Variants in LTBP1 observed in about 807,000 individuals in gnomAD.
LTBP1 encodes the protein latent transforming growth factor beta binding protein 1, also known as latent-transforming growth factor beta-binding protein 1.
LTBP1 carries 129 observed loss-of-function variants against 207.6 expected under a neutral mutation model. That is an observed-to-expected ratio of 0.62 (90% confidence interval 0.54 to 0.72). The LOEUF is 0.72. Ranked by LOEUF, LTBP1 falls within the 30% of genes least tolerant of loss-of-function variation. LTBP1 has a pLI of 0.00. For synonymous variants in LTBP1, 963 were observed against 833.7 expected, an observed-to-expected ratio of 1.16 and a Z score of -2.67; for missense variants, 2,281 against 2,217.2, an observed-to-expected ratio of 1.03 and a Z score of -0.58.
chr2:33,075,412 A>T (rs768561049), intron 3 of LTBP1, among the ~76,000 whole-genome samples: 2 of 152,348 alleles, frequency 1.3e-5, no homozygotes, highest in South Asian at 2.1e-4. Flanking sequence ...TGACATTCCA[A>T]TATTTAAACT....
intron 15 of LTBP1, among the ~76,000 whole-genome samples, chr2:33,263,673 G>A (rs1201692721): frequency 6.6e-6 from 1 of 152,074 alleles, no homozygotes; most frequent in Non-Finnish European, 1.5e-5. Flanking sequence ...CAGAATACAG[G>A]CTGGGTGCGG....
rs778732304 is a variant in LTBP1 at position 33,275,078 on chromosome 2, A to C, written c.2857A>C (p.Thr953Pro). ...AGGATTTATGGCCAGTGAGGAGGGT[A>C]CTAACTGCATAGGTAATGGCAGCAT... ...PAGFMASEEGTNCIDVDECLR... is the reference protein window; with the variant it reads ...PAGFMASEEGPNCIDVDECLR... The change falls in exon 17 of 34, where the codon ACT (threonine) becomes CCT (proline). Residue 953 changes from threonine to proline, a missense_variant. Transcript: ENST00000404816. 1 of 1,613,954 alleles carries C rather than the reference A, an allele frequency of 6.2e-7. No homozygotes were observed. The highest frequency in any genetic ancestry group is 8.5e-7 in the Non-Finnish European group (1 of 1,179,874).
chr2:33,143,371 T>C (rs1034538027), intron 5 of LTBP1, among the ~76,000 whole-genome samples: 1 of 152,168 alleles, frequency 6.6e-6, no homozygotes, highest in African/African-American at 2.4e-5. Context: ...GAATGCATTT[T>C]TGTTGACAAT....
At position 33,256,958 on chromosome 2, in the gene LTBP1, C is replaced by T. The variant is rs2092879231; in HGVS notation, c.2168-326C>T. Reference sequence around the variant, plus strand: ...TCCTAGAACTAATCCCTCATGGATACTGAGGAATGACTATGTAAATAATAT... The same window carrying T: ...TCCTAGAACTAATCCCTCATGGATATTGAGGAATGACTATGTAAATAATAT... On this transcript the variant is annotated intron_variant, in intron 11 of 33. Transcript: ENST00000404816. Among the ~76,000 whole-genome samples, 2 of 149,596 alleles carry T rather than the reference C, an allele frequency of 1.3e-5. 1 individual carries two copies. Among genetic ancestry groups the T allele is most frequent in the South Asian group, 4.2e-4 (2 of 4,768 alleles).
At chr2:33,394,573 A>G (rs1351628620) in intron 32 of LTBP1, among the ~76,000 whole-genome samples, 2 of 152,046 alleles carry the variant, frequency 1.3e-5, no homozygotes, top group South Asian at 4.1e-4. Context: ...TCCTTTCCCC[A>G]TTTCTTGTTT....
chr2:33,138,447 C>CT (rs200975479), intron 5 of LTBP1, among the ~76,000 whole-genome samples: 13,309 of 145,738 alleles, frequency 0.091, 637 homozygotes, highest in Non-Finnish European at 0.11. Flanking sequence ...ATGATAATGA[C>CT]TTTTTTTTTT....
chr2:32,949,972 A>T (rs1010731810), intron 2 of LTBP1, among the ~76,000 whole-genome samples: 1 of 152,224 alleles, frequency 6.6e-6, no homozygotes, highest in Non-Finnish European at 1.5e-5. Flanking sequence ...TGCAGACATG[A>T]ACAGTCTTCT....
intron 3 of LTBP1, among the ~76,000 whole-genome samples, chr2:33,095,682 A>ATC (rs1482435609): frequency 1.3e-5 from 2 of 152,176 alleles, no homozygotes; most frequent in Non-Finnish European, 2.9e-5. Context: ...ATATATATAT[A>ATC]AATATGCCCA....
At chr2:33,121,469 T>A (rs1239104901) in intron 4 of LTBP1, among the ~76,000 whole-genome samples, 2 of 152,102 alleles carry the variant, frequency 1.3e-5, no homozygotes, top group African/African-American at 2.4e-5. Context: ...TGTGTGGGAT[T>A]GAGTGCTCTT....
intron 19 of LTBP1, among the ~76,000 whole-genome samples, chr2:33,289,952 CCTTGAGA>C (rs1209846412): frequency 6.6e-6 from 1 of 152,090 alleles, no homozygotes; most frequent in Non-Finnish European, 1.5e-5. Flanking sequence ...TAACGGAACA[CCTTGAGA>C]CTAGGTCATT....
At chr2:33,384,392 A>C (rs961735221) in intron 31 of LTBP1, among the ~76,000 whole-genome samples, 1 of 152,126 alleles carries the variant, frequency 6.6e-6, no homozygotes, top group Non-Finnish European at 1.5e-5. Flanking sequence ...TGGGGAATGC[A>C]GTGGGTCGGG....
At chr2:33,038,384 G>A (rs1298393767) in intron 3 of LTBP1, among the ~76,000 whole-genome samples, 2 of 152,178 alleles carry the variant, frequency 1.3e-5, no homozygotes, top group African/African-American at 4.8e-5. Context: ...GCAGCACCAA[G>A]CTTTGTCTCT....
chr2:32,978,889 C>A (rs1271914970), intron 2 of LTBP1, among the ~76,000 whole-genome samples: 9 of 151,522 alleles, frequency 5.9e-5, no homozygotes, highest in Admixed American at 5.9e-4. Flanking sequence ...TATCATTACT[C>A]AGTCTGTTCA....
intron 9 of LTBP1, among the ~76,000 whole-genome samples, chr2:33,243,009 C>G (rs1312512777): frequency 3.3e-5 from 5 of 152,172 alleles, no homozygotes; most frequent in Admixed American, 6.5e-5. Context: ...TTTGACTCAT[C>G]ATTTCCTGAG....
intron 2 of LTBP1, among the ~76,000 whole-genome samples, chr2:32,961,087 C>T (rs1176162562): frequency 6.6e-6 from 1 of 152,134 alleles, no homozygotes; most frequent in African/African-American, 2.4e-5. Context: ...GGAAAAATAT[C>T]TTACGTAGAA....
intron 4 of LTBP1, among the ~76,000 whole-genome samples, chr2:33,121,704 C>T (rs181479090): frequency 1.3e-5 from 2 of 152,288 alleles, no homozygotes; most frequent in Admixed American, 1.3e-4. Flanking sequence ...CTCCCCCAAA[C>T]AAAATCTTTT....
At chr2:33,393,464 C>T (rs1188739410) in intron 32 of LTBP1, among the ~76,000 whole-genome samples, 3 of 146,070 alleles carry the variant, frequency 2.1e-5, no homozygotes, top group Non-Finnish European at 4.5e-5. Flanking sequence ...GCGAAAGGCC[C>T]TGGTGTGTGA....
intron 19 of LTBP1, among the ~76,000 whole-genome samples, chr2:33,288,527 G>A (rs369049236): frequency 2.6e-5 from 4 of 152,144 alleles, no homozygotes; most frequent in Non-Finnish European, 4.4e-5. Flanking sequence ...CAGAGGATAC[G>A]GAGAGAGTAA....
chr2:33,007,091 G>C (rs1014241213), intron 2 of LTBP1, among the ~76,000 whole-genome samples: 2 of 152,190 alleles, frequency 1.3e-5, no homozygotes, highest in African/African-American at 4.8e-5. Context: ...TTGAGACGGA[G>C]TCTCACTCTG....
Sources: gnomAD v4.1 joint callset for allele counts (sites outside exome capture counted in the v4.1 genomes callset) on GRCh38, gnomAD v4.1.1 for gene constraint, MANE v1.5 for transcripts, NCBI Gene and HGNC (gene_info 2026-07-23, HGNC 2026-07-21) for gene names.